The following KNTC1 variants were observed in gnomAD, a reference collection of about 807,000 sequenced individuals.
KNTC1 encodes the protein kinetochore associated 1, also known as kinetochore-associated protein 1.
In KNTC1, 253 loss-of-function variants were observed where a neutral mutation model predicts 314.4. The observed-to-expected ratio is 0.80, with a 90% CI of 0.73 to 0.89. The LOEUF (loss-of-function observed/expected upper bound fraction) is 0.89. Among genes scored for constraint, KNTC1 ranks in the 40% least tolerant of loss-of-function variants. The pLI, the probability that KNTC1 is intolerant of heterozygous loss-of-function variation, is 0.00. For missense variants in KNTC1, 2,475 were observed against 2,572.9 expected (o/e 0.96, Z 0.82); for synonymous variants, 901 against 901.4 (o/e 1.00, Z 0.01).
intron 47 of KNTC1, 36 bp from the exon 48 acceptor site, chr12:122,602,991 T>C (rs1872139686): frequency 6.3e-7 from 1 of 1,584,916 alleles, no homozygotes. Flanking sequence ...TATATGTGAA[T>C]ATGTGCTTCA....
chr12:122,580,068 G>A (rs1011079923), intron 32 of KNTC1, 91 bp downstream of exon 32: 6 of 805,942 alleles, frequency 7.4e-6, no homozygotes, highest in East Asian at 2.6e-5. Context: ...CACCGTACCC[G>A]CAGTTTTTCT....
chr12:122,547,110 A>C (rs1368821928), intron 10 of KNTC1, among the ~76,000 whole-genome samples: 1 of 152,128 alleles, frequency 6.6e-6, no homozygotes, highest in African/African-American at 2.4e-5. Context: ...CTGGGATTAC[A>C]GGTGTGAGCC....
chr12:122,578,875 G>T (rs944119649), intron 31 of KNTC1, among the ~76,000 whole-genome samples: 8 of 152,058 alleles, frequency 5.3e-5, no homozygotes. Flanking sequence ...GCTACTTCTT[G>T]TTCATAACAA....
At chr12:122,532,976 G>A (rs1193157744) in intron 2 of KNTC1, among the ~76,000 whole-genome samples, 1 of 152,210 alleles carries the variant, frequency 6.6e-6, no homozygotes, top group Admixed American at 6.5e-5. Context: ...TACTCAGGCT[G>A]AGGCAGGAGA....
At chr12:122,574,466 A>T (rs1964893940) in intron 27 of KNTC1, 86 bp downstream of exon 27, 1 of 825,062 alleles carries the variant, frequency 1.2e-6, no homozygotes, top group African/African-American at 1.7e-5. Flanking sequence ...AGCGACATAT[A>T]TTTGTTTTTG....
At position 122,544,178 on chromosome 12, in the gene KNTC1, C is replaced by T; in HGVS notation, c.578C>T (p.Ser193Phe). 2 of 1,554,404 alleles carry T rather than the reference C, an allele frequency of 1.3e-6. No homozygotes were observed. The highest frequency in any genetic ancestry group is 1.4e-5 in the African/African-American group (1 of 72,170). ...TTGCAGTTACAAGGACAAATCAAGT[C>T]CAGTTTTATTTCTACTGAAAATTAT... Reference protein sequence around the residue: ...TAKKLQGQIKSSFISTENYHT... With the variant: ...TAKKLQGQIKFSFISTENYHT... Residue 193 changes from serine (S) to phenylalanine (F), a missense_variant, in exon 8 of 64, where the codon TCC (serine) becomes TTC (phenylalanine). Physicochemically the swap from Ser to Phe is radical, Grantham distance 155. Transcript: ENST00000333479.
intron 1 of KNTC1, among the ~76,000 whole-genome samples, chr12:122,529,579 G>A (rs1011163185): frequency 1.3e-5 from 2 of 152,012 alleles, no homozygotes; most frequent in Non-Finnish European, 2.9e-5. Flanking sequence ...ACTTCATCTG[G>A]AATCTTATCA....
In KNTC1 at chr12:122,591,320, C is replaced by A. The variant is rs753846753; in HGVS notation, c.4129-17C>A. The A allele has an allele frequency of 4.6e-6, 6 of 1,315,068 alleles. No individual in the cohort carries two copies. The Admixed American group carries it at 6.7e-5, about 15-fold the overall frequency. 81.5% of individuals were successfully genotyped at this position (1,315,068 alleles called of 1,614,324 possible). ...TTCTACTTACGATTGAACTTTAATTCTCTTTTAATTTTTTAGGCAATATCT... is the reference window on the plus strand; with the variant it reads ...TTCTACTTACGATTGAACTTTAATTATCTTTTAATTTTTTAGGCAATATCT... On this transcript the variant is annotated splice_polypyrimidine_tract_variant and intron_variant, in intron 41 of 63. Transcript: ENST00000333479.
chr12:122,573,346 A>G, intron 26 of KNTC1, 61 bp downstream of exon 26: 1 of 1,394,246 alleles, frequency 7.2e-7, no homozygotes, highest in East Asian at 2.3e-5. Flanking sequence ...CACTGTAGTA[A>G]ATATTTAACT....
chr12:122,568,072 C>T (rs923171192), intron 20 of KNTC1, among the ~76,000 whole-genome samples, 189 bp from the exon 21 acceptor site: 1 of 152,076 alleles, frequency 6.6e-6, no homozygotes, highest in Non-Finnish European at 1.5e-5. Context: ...GTCGGGAGTT[C>T]TAGGGTCTGA....
intron 29 of KNTC1, 128 bp from the exon 30 acceptor site, chr12:122,576,767 A>G (rs542698346): frequency 8.9e-6 from 5 of 561,880 alleles, no homozygotes; most frequent in Non-Finnish European, 1.5e-5. Flanking sequence ...TCATGTTTTA[A>G]TCTTTCATAC....
At chr12:122,585,509 C>G (rs931492836) in intron 36 of KNTC1, 127 bp from the exon 37 acceptor site, 1 of 1,018,882 alleles carries the variant, frequency 9.8e-7, no homozygotes, top group Admixed American at 2.6e-5. Context: ...CCAGCAAGGC[C>G]TCCCTCGACA....
chr12:122,613,293 CT>C, intron 54 of KNTC1, 63 bp downstream of exon 54: 1 of 1,079,256 alleles, frequency 9.3e-7, no homozygotes, highest in Non-Finnish European at 1.4e-6. Flanking sequence ...GGAGCTGTAC[CT>C]TTTAAGCCCT....
intron 62 of KNTC1, among the ~76,000 whole-genome samples, chr12:122,624,182 A>C (rs1285722699): frequency 6.6e-6 from 1 of 152,202 alleles, no homozygotes; most frequent in African/African-American, 2.4e-5. Context: ...ATATGCCCCA[A>C]ATTGGAATTA....
chr12:122,618,199 T>A lies in KNTC1; in HGVS notation c.6031-144T>A, dbSNP rs1164118773. On this transcript the variant is annotated intron_variant, in intron 57 of 63. Transcript: ENST00000333479. ...ATTGGCCAGGCTGGTTTCGAACTCCTGACCTCAAGTGATTCACCTGCTTCA... is the reference window on the plus strand; with the variant it reads ...ATTGGCCAGGCTGGTTTCGAACTCCAGACCTCAAGTGATTCACCTGCTTCA... 4.4e-6 allele frequency: 3 copies of A among 685,524 alleles called. No homozygotes were observed. In the African/African-American group the frequency reaches 5.4e-5, roughly 12 times the overall value. 42.5% of individuals were successfully genotyped at this position (685,524 alleles called of 1,614,324 possible).
chr12:122,592,216 C>T (rs1198649215), intron 42 of KNTC1, among the ~76,000 whole-genome samples: 5 of 152,222 alleles, frequency 3.3e-5, no homozygotes, highest in Non-Finnish European at 7.3e-5. Context: ...TACCAGCCCA[C>T]GGGCGCTGTG....
At chr12:122,620,712 A>C (rs1371885570) in intron 60 of KNTC1, 104 bp downstream of exon 60, 3 of 1,180,442 alleles carry the variant, frequency 2.5e-6, no homozygotes, top group African/African-American at 1.5e-5. Context: ...CCTGTAAAGC[A>C]TGAATACATC....
chr12:122,615,708 G>A (rs1566019180), intron 57 of KNTC1, among the ~76,000 whole-genome samples, 182 bp downstream of exon 57: 1 of 152,138 alleles, frequency 6.6e-6, no homozygotes, highest in Non-Finnish European at 1.5e-5. Flanking sequence ...GATCACTTGA[G>A]CCCAGGAGTT....
At chr12:122,583,236 G>A (rs1394082788) in intron 34 of KNTC1, among the ~76,000 whole-genome samples, 1 of 151,546 alleles carries the variant, frequency 6.6e-6, no homozygotes. Flanking sequence ...GCGGGTTGCA[G>A]TGAGCCGAGA....
Sources: gnomAD v4.1 joint callset for allele counts (sites outside exome capture counted in the v4.1 genomes callset) on GRCh38, gnomAD v4.1.1 for gene constraint, MANE v1.5 for transcripts, NCBI Gene and HGNC (gene_info 2026-07-23, HGNC 2026-07-21) for gene names.